POLR3B: variants seen among roughly 807,000 people sequenced by gnomAD.
POLR3B encodes the protein RNA polymerase III subunit B, also known as DNA-directed RNA polymerase III subunit RPC2.
Under a neutral mutation model 147.4 loss-of-function variants are expected in POLR3B, and 96 were observed. That is an observed-to-expected ratio of 0.65 (90% CI 0.55 to 0.77). The LOEUF (loss-of-function observed/expected upper bound fraction) is 0.77, where lower values mean the gene tolerates loss of function less well. Ranked by LOEUF, POLR3B falls within the 30% of genes least tolerant of loss-of-function variation. The pLI is 0.00. For synonymous variants in POLR3B, 461 were observed against 485.9 expected, an observed-to-expected ratio of 0.95 and a Z score of 0.67; for missense variants, 1,036 against 1,413.5, an observed-to-expected ratio of 0.73 and a Z score of 4.28.
chr12:106,409,002 A>G (rs1012790098), intron 11 of POLR3B, among the ~76,000 whole-genome samples: 36 of 152,334 alleles, frequency 2.4e-4, no homozygotes, highest in African/African-American at 7.9e-4. Flanking sequence ...TTCCGTAAAT[A>G]TCCATATTTA....
At chr12:106,496,664 G>C in intron 24 of POLR3B, 88 bp from the exon 25 acceptor site, 1 of 1,109,980 alleles carries the variant, frequency 9.0e-7, no homozygotes, top group Non-Finnish European at 1.4e-6. Context: ...ATTAATAGTG[G>C]TCGTGGGGAA....
In POLR3B at chr12:106,463,751, G is replaced by T. The variant is rs548319378; in HGVS notation, c.2713+131G>T. On this transcript the variant is annotated intron_variant, in intron 23 of 27. Transcript: ENST00000228347. ...TTACATTGTTATAAAAATTAATCTT[G>T]TTTTATTTCTTAGATTAACCTGTTT... 3.3e-5 allele frequency: 25 copies of T among 768,318 alleles called. No individual in the cohort carries two copies. The South Asian group carries it at 3.8e-4, about 12-fold the overall frequency. The allele number at this position is 768,318 out of a possible 1,614,324, so 47.6% of individuals were successfully genotyped here.
At chr12:106,445,121 C>T (rs1303682221) in intron 19 of POLR3B, among the ~76,000 whole-genome samples, 1 of 152,166 alleles carries the variant, frequency 6.6e-6, no homozygotes, top group Non-Finnish European at 1.5e-5. Flanking sequence ...CTTCCTCTTT[C>T]TCTTTGTCTT....
At chr12:106,438,356 C>G (rs2037604948) in intron 18 of POLR3B, among the ~76,000 whole-genome samples, 1 of 152,060 alleles carries the variant, frequency 6.6e-6, no homozygotes, top group Non-Finnish European at 1.5e-5. Context: ...TACAAAGCAG[C>G]TAACAAGTCA....
chr12:106,389,119 TTAAAG>T (rs2036880850), intron 9 of POLR3B, among the ~76,000 whole-genome samples: 1 of 152,230 alleles, frequency 6.6e-6, no homozygotes, highest in South Asian at 2.1e-4. Context: ...AATTATGTCT[TTAAAG>T]TAAAATAGTT....
intron 2 of POLR3B, 89 bp downstream of exon 2, chr12:106,363,991 A>C: frequency 9.9e-7 from 1 of 1,008,714 alleles, no homozygotes; most frequent in Non-Finnish European, 1.5e-6. Flanking sequence ...AATTTTTGTC[A>C]TCAACATTTT....
chr12:106,361,553 T>G (rs2036469971), intron 1 of POLR3B, among the ~76,000 whole-genome samples: 1 of 152,186 alleles, frequency 6.6e-6, no homozygotes, highest in African/African-American at 2.4e-5. Context: ...CATTTATTTA[T>G]TCAGTATTTA....
intron 23 of POLR3B, among the ~76,000 whole-genome samples, chr12:106,479,369 A>G (rs931230134): frequency 4.0e-5 from 6 of 150,694 alleles, no homozygotes; most frequent in Non-Finnish European, 7.4e-5. Context: ...AAGTTAATTT[A>G]TATTCTTTCT....
chr12:106,436,095 A>G (rs552289573), intron 16 of POLR3B, among the ~76,000 whole-genome samples: 3 of 152,246 alleles, frequency 2.0e-5, no homozygotes, highest in South Asian at 2.1e-4. Context: ...TTTCCATGAA[A>G]AGCTCACCCA....
At chr12:106,401,028 A>G (rs2037057373) in intron 10 of POLR3B, among the ~76,000 whole-genome samples, 1 of 152,260 alleles carries the variant, frequency 6.6e-6, no homozygotes, top group Non-Finnish European at 1.5e-5. Context: ...AAACTCAATG[A>G]ATCCAGCAGC....
chr12:106,373,995 T>G (rs2036644036), intron 6 of POLR3B, among the ~76,000 whole-genome samples: 2 of 152,172 alleles, frequency 1.3e-5, no homozygotes, highest in African/African-American at 4.8e-5. Flanking sequence ...GGAAGATTTT[T>G]TTTTTCTCAC....
intron 23 of POLR3B, 61 bp downstream of exon 23, chr12:106,463,681 C>A: frequency 7.1e-7 from 1 of 1,404,766 alleles, no homozygotes; most frequent in Non-Finnish European, 1.0e-6. Flanking sequence ...TTGTTAACCA[C>A]TTAAATAAAA....
At chr12:106,495,378 A>G (rs1038342788) in intron 23 of POLR3B, among the ~76,000 whole-genome samples, 2 of 152,074 alleles carry the variant, frequency 1.3e-5, no homozygotes, top group East Asian at 1.9e-4. Flanking sequence ...TTGGTATTCA[A>G]TTTTCTTGTT....
chr12:106,457,022 A>C, intron 20 of POLR3B, 116 bp from the exon 21 acceptor site: 1 of 821,334 alleles, frequency 1.2e-6, no homozygotes, highest in Non-Finnish European at 2.1e-6. Context: ...AATACAGAGA[A>C]GTTTTGGGAT....
In POLR3B at chr12:106,504,582, G is replaced by A. The variant is rs138257819; in HGVS notation, c.3272+328G>A. Among the ~76,000 whole-genome samples the A allele has an allele frequency of 2.2e-3, 342 of 152,298 alleles. 1 individual carries two copies. The highest frequency in any genetic ancestry group is 7.8e-3 in the African/African-American group (323 of 41,552). On this transcript the variant is annotated intron_variant, in intron 27 of 27. Transcript: ENST00000228347. The surrounding 1 kb of genome is among the most constrained non-coding windows in gnomAD (Gnocchi z 4.6). ...TGCATTGTCGGGTGTTAGAATCGCAGTGTGTTAAAGAAACTCTTTAGGGAA... is the reference window on the plus strand; with the variant it reads ...TGCATTGTCGGGTGTTAGAATCGCAATGTGTTAAAGAAACTCTTTAGGGAA...
intron 18 of POLR3B, among the ~76,000 whole-genome samples, chr12:106,441,436 A>G (rs1008691677): frequency 1.1e-4 from 16 of 152,190 alleles, no homozygotes; most frequent in Admixed American, 9.8e-4. Context: ...TGTACAGCAT[A>G]TTACTCTACT....
Position 106,376,629 on chromosome 12 carries a change from C to CTTTTTTTTTTTTTT in POLR3B, c.496+185_496+186insTTTTTTTTTTTTTT, listed in dbSNP as rs137973753. Among the ~76,000 whole-genome samples, 5 of 147,450 alleles carry CTTTTTTTTTTTTTT rather than the reference C, an allele frequency of 3.4e-5. 2 individuals carry two copies. The highest frequency in any genetic ancestry group is 1.3e-4 in the Admixed American group (2 of 14,900). ...GCTACTAGTCTGTATTTCTTTCTTT[C>CTTTTTTTTTTTTTT]TTTTTTGAGATAGTGTCTCACTCTG... On this transcript the variant is annotated intron_variant, in intron 7 of 27. Coordinates refer to ENST00000228347, the MANE Select transcript of POLR3B (RefSeq NM_018082.6).
intron 22 of POLR3B, among the ~76,000 whole-genome samples, chr12:106,461,635 A>G (rs921066833): frequency 5.3e-5 from 8 of 152,236 alleles, no homozygotes; most frequent in African/African-American, 1.9e-4. Flanking sequence ...AGTCTCTGGC[A>G]TAGTACCTGG....
intron 15 of POLR3B, 106 bp downstream of exon 15, chr12:106,432,586 C>A (rs2137004149): frequency 3.3e-6 from 3 of 914,710 alleles, no homozygotes; most frequent in Non-Finnish European, 5.5e-6. Flanking sequence ...TAATTCTGGG[C>A]CCAGGTTGAC....
Sources: gnomAD v4.1 joint callset for allele counts (sites outside exome capture counted in the v4.1 genomes callset) on GRCh38, gnomAD v4.1.1 for gene constraint, Gnocchi (gnomAD v3.1) non-coding constraint, MANE v1.5 for transcripts, NCBI Gene and HGNC (gene_info 2026-07-23, HGNC 2026-07-21) for gene names.